EYA4: variants seen among roughly 807,000 people sequenced by gnomAD.
EYA4 encodes the protein EYA transcriptional coactivator and phosphatase 4.
A neutral mutation model predicts 87.9 loss-of-function variants in EYA4; 31 were observed. The observed-to-expected ratio is 0.35, with a 90% confidence interval of 0.27 to 0.48. The LOEUF is 0.48. Among genes scored for constraint, EYA4 ranks in the 20% least tolerant of loss-of-function variants. The probability of loss-of-function intolerance (pLI) is 0.99; values close to 1 mark genes in which losing one functional copy is unlikely to be tolerated. For synonymous variants in EYA4, 263 were observed against 270.6 expected, an observed-to-expected ratio of 0.97 and a Z score of 0.28; for missense variants, 678 against 761.4, an observed-to-expected ratio of 0.89 and a Z score of 1.29.
chr6:133,500,035 G>A (rs573186275), intron 13 of EYA4, among the ~76,000 whole-genome samples: 5 of 149,788 alleles, frequency 3.3e-5, no homozygotes. Context: ...AAACTACCTG[G>A]CAAACTAGAT....
intron 3 of EYA4, among the ~76,000 whole-genome samples, chr6:133,398,323 A>C (rs1787976625): frequency 6.6e-6 from 1 of 152,172 alleles, no homozygotes; most frequent in African/African-American, 2.4e-5. Context: ...GGTGTCTTTT[A>C]CTTTCTAAAT....
chr6:133,389,775 GTCA>G (rs1402203587), intron 3 of EYA4, among the ~76,000 whole-genome samples: 1 of 152,038 alleles, frequency 6.6e-6, no homozygotes, highest in African/African-American at 2.4e-5. Flanking sequence ...AATCCTGCTG[GTCA>G]TCAAGTTGAC....
chr6:133,467,466 A>C (rs1311166816), intron 10 of EYA4, among the ~76,000 whole-genome samples: 1 of 152,148 alleles, frequency 6.6e-6, no homozygotes, highest in East Asian at 1.9e-4. Flanking sequence ...ATTTGCTACC[A>C]CTGTTTTACT....
intron 14 of EYA4, among the ~76,000 whole-genome samples, chr6:133,506,987 C>T (rs1034906483): frequency 6.6e-6 from 1 of 151,830 alleles, no homozygotes; most frequent in Non-Finnish European, 1.5e-5. Flanking sequence ...ATAGAGATTT[C>T]TCTTTCATTT....
intron 3 of EYA4, among the ~76,000 whole-genome samples, chr6:133,418,861 C>T (rs1789976791): frequency 6.6e-6 from 1 of 152,036 alleles, no homozygotes; most frequent in Admixed American, 6.6e-5. Context: ...ACGGTAAACC[C>T]AGGAGCAGTA....
At position 133,293,983 on chromosome 6, in the gene EYA4, T is replaced by TGC. The variant is rs1171738553; in HGVS notation, c.33+19170_33+19171insGC. On this transcript the variant is annotated intron_variant, in intron 2 of 19. Coordinates refer to ENST00000355286, the MANE Select transcript of EYA4 (RefSeq NM_004100.5). ...TAGATATTATTTTACATATATATAT[T>TGC]ACATATATATATAAAATTCCTGTGC... Among the ~76,000 whole-genome samples, 3 of 45,032 alleles carry TGC rather than the reference T, an allele frequency of 6.7e-5. No homozygotes were observed. The East Asian group carries it at 2.6e-3, about 38-fold the overall frequency. The allele number at this position is 45,032 out of a possible 152,430, so 29.5% of individuals were successfully genotyped here.
At chr6:133,255,987 T>A (rs1562212322) in intron 1 of EYA4, among the ~76,000 whole-genome samples, 1 of 151,968 alleles carries the variant, frequency 6.6e-6, no homozygotes, top group Non-Finnish European at 1.5e-5. Flanking sequence ...AAATGCTTTT[T>A]AAAAAGATTT....
intron 3 of EYA4, among the ~76,000 whole-genome samples, chr6:133,392,165 C>T (rs1433892304): frequency 6.6e-6 from 1 of 152,118 alleles, no homozygotes; most frequent in Admixed American, 6.5e-5. Context: ...TACCCATCCC[C>T]AAGCTGACCA....
At chr6:133,495,665 A>C (rs1366238755) in intron 13 of EYA4, among the ~76,000 whole-genome samples, 1 of 152,134 alleles carries the variant, frequency 6.6e-6, no homozygotes, top group African/African-American at 2.4e-5. Context: ...CTTAGGAGAC[A>C]CTATGCAGTA....
chr6:133,517,972 A>G (rs1799747506), intron 17 of EYA4, among the ~76,000 whole-genome samples: 1 of 152,204 alleles, frequency 6.6e-6, no homozygotes, highest in Admixed American at 6.5e-5. Context: ...GAATCCTGCA[A>G]GGGAGATTCT....
intron 2 of EYA4, among the ~76,000 whole-genome samples, chr6:133,290,625 G>T (rs1778414668): frequency 6.6e-6 from 1 of 152,140 alleles, no homozygotes; most frequent in Non-Finnish European, 1.5e-5. Flanking sequence ...TAAATGCCTT[G>T]CCCACTTAAT....
At chr6:133,358,496 A>G (rs1223186556) in intron 2 of EYA4, among the ~76,000 whole-genome samples, 1 of 152,192 alleles carries the variant, frequency 6.6e-6, no homozygotes, top group African/African-American at 2.4e-5. Flanking sequence ...GAATCATCGA[A>G]TGTAGTTGGG....
intron 2 of EYA4, among the ~76,000 whole-genome samples, chr6:133,312,200 C>G (rs1032643128): frequency 1.3e-5 from 2 of 152,008 alleles, no homozygotes; most frequent in Admixed American, 1.3e-4. Flanking sequence ...GGCTAGAAGG[C>G]AGGAGCATTG....
At chr6:133,410,594 A>AC (rs1030200256) in intron 3 of EYA4, among the ~76,000 whole-genome samples, 8 of 92,222 alleles carry the variant, frequency 8.7e-5, no homozygotes, top group Non-Finnish European at 2.6e-4. Context: ...CTAACCAAAA[A>AC]AAAAAAAACT....
chr6:133,409,766 C>A (rs949872819), intron 3 of EYA4, among the ~76,000 whole-genome samples: 2 of 152,080 alleles, frequency 1.3e-5, no homozygotes, highest in Non-Finnish European at 2.9e-5. Flanking sequence ...ATCTAAAGCA[C>A]TGGTGTGAAG....
chr6:133,303,025 A>G (rs1462655989), intron 2 of EYA4, among the ~76,000 whole-genome samples: 1 of 152,210 alleles, frequency 6.6e-6, no homozygotes, highest in Admixed American at 6.5e-5. Context: ...TAATGAATGA[A>G]TGTTACTGTG....
chr6:133,441,721 T>G (rs1286920129), intron 3 of EYA4, among the ~76,000 whole-genome samples: 1 of 151,838 alleles, frequency 6.6e-6, no homozygotes, highest in African/African-American at 2.4e-5. Context: ...TGGAATGAGT[T>G]GGGATGAAGC....
chr6:133,387,886 C>T (rs1317398388), intron 3 of EYA4, among the ~76,000 whole-genome samples: 1 of 152,076 alleles, frequency 6.6e-6, no homozygotes, highest in African/African-American at 2.4e-5. Context: ...TGGAGATTTT[C>T]AGAATTTGTT....
At chr6:133,446,557 A>C in intron 3 of EYA4, 73 bp from the exon 4 acceptor site, 1 of 1,554,080 alleles carries the variant, frequency 6.4e-7, no homozygotes, top group South Asian at 1.1e-5. Context: ...TGGTCAATAG[A>C]ATAATATTTG....
Sources: gnomAD v4.1 joint callset for allele counts (sites outside exome capture counted in the v4.1 genomes callset) on GRCh38, gnomAD v4.1.1 for gene constraint, MANE v1.5 for transcripts, NCBI Gene and HGNC (gene_info 2026-07-23, HGNC 2026-07-21) for gene names.